The following AOAH variants were observed in gnomAD, a reference collection of about 807,000 sequenced individuals.
AOAH encodes the protein acyloxyacyl hydrolase, also known as acyloxyacyl hydrolase (neutrophil).
A neutral mutation model predicts 92.2 loss-of-function variants in AOAH; 64 were observed. That is an observed-to-expected ratio of 0.69 (90% CI 0.57 to 0.86). The LOEUF (loss-of-function observed/expected upper bound fraction) is 0.86, where lower values mean the gene tolerates loss of function less well. AOAH is among the 40% of genes least tolerant of loss of function. The probability of loss-of-function intolerance (pLI) is 0.00; values close to 1 mark genes in which losing one functional copy is unlikely to be tolerated. For synonymous variants in AOAH, 263 were observed against 254.5 expected, an observed-to-expected ratio of 1.03 and a Z score of -0.32; for missense variants, 656 against 694.6, an observed-to-expected ratio of 0.94 and a Z score of 0.62.
At chr7:36,713,308 G>A (rs1449593458) in intron 1 of AOAH, among the ~76,000 whole-genome samples, 1 of 96,996 alleles carries the variant, frequency 1.0e-5, no homozygotes, top group Non-Finnish European at 2.3e-5. Flanking sequence ...CCCAATACAG[G>A]AGCACCCAGA....
chr7:36,601,285 G>C (rs1470486789), intron 11 of AOAH, among the ~76,000 whole-genome samples: 1 of 152,198 alleles, frequency 6.6e-6, no homozygotes, highest in Non-Finnish European at 1.5e-5. Context: ...CCGTGTGTGA[G>C]ATGAGTCTCA....
intron 11 of AOAH, chr7:36,597,892 C>G (rs1790250114): frequency 1.3e-5 from 2 of 152,262 alleles, no homozygotes; most frequent in Non-Finnish European, 2.9e-5. Flanking sequence ...TCTACAAATA[C>G]AAAGAAGAAA....
chr7:36,582,612 A>G (rs1365607248), intron 12 of AOAH, among the ~76,000 whole-genome samples: 1 of 152,206 alleles, frequency 6.6e-6, no homozygotes, highest in Non-Finnish European at 1.5e-5. Flanking sequence ...AGAACAAAAC[A>G]GAGTAATATC....
chr7:36,610,544 C>T (rs1191198060), intron 11 of AOAH, among the ~76,000 whole-genome samples: 11 of 149,272 alleles, frequency 7.4e-5, no homozygotes, highest in Non-Finnish European at 7.4e-5. Flanking sequence ...TATTTCAAAA[C>T]AAGCCTGATA....
At chr7:36,529,607 T>G (rs1784579910) in intron 19 of AOAH, among the ~76,000 whole-genome samples, 1 of 152,334 alleles carries the variant, frequency 6.6e-6, no homozygotes, top group East Asian at 1.9e-4. Flanking sequence ...GGGACAGAGA[T>G]GATAAACTCT....
chr7:36,517,222 TTCTGTCTCTCTCTCTCTCTC>T (rs1783815636), intron 20 of AOAH, among the ~76,000 whole-genome samples: 3 of 67,258 alleles, frequency 4.5e-5, no homozygotes, highest in African/African-American at 7.9e-5. Context: ...TTCTCTTTCT[TTCTGTCTCTCTCTCTCTCTC>T]TCTTTCTTTC....
At chr7:36,586,219 G>T (rs900869616) in intron 12 of AOAH, among the ~76,000 whole-genome samples, 2 of 152,158 alleles carry the variant, frequency 1.3e-5, no homozygotes, top group African/African-American at 4.8e-5. Flanking sequence ...TTCCCTTGCT[G>T]CTATTGCCCC....
intron 20 of AOAH, among the ~76,000 whole-genome samples, chr7:36,517,674 C>T (rs1434062381): frequency 7.1e-6 from 1 of 140,560 alleles, no homozygotes; most frequent in East Asian, 2.2e-4. Flanking sequence ...GATCTCGGCT[C>T]ACTGTAACCT....
At chr7:36,710,527 C>T (rs772521373) in intron 1 of AOAH, among the ~76,000 whole-genome samples, 1 of 152,156 alleles carries the variant, frequency 6.6e-6, no homozygotes. Context: ...TTGACTTCAG[C>T]CTTGTAAAAC....
chr7:36,569,537 CAT>C (rs1447237861), intron 13 of AOAH, among the ~76,000 whole-genome samples: 14 of 151,126 alleles, frequency 9.3e-5, no homozygotes, highest in African/African-American at 2.9e-4. Context: ...ACCAGATTTA[CAT>C]ATATATATAT....
chr7:36,678,114 G>T (rs78426048), intron 2 of AOAH, among the ~76,000 whole-genome samples: 2,381 of 152,282 alleles, frequency 0.016, 55 homozygotes, highest in African/African-American at 0.054. Context: ...TATGTGAATT[G>T]TAGCTTAATA....
At chr7:36,648,512 T>C (rs532840648) in intron 4 of AOAH, among the ~76,000 whole-genome samples, 1 of 152,280 alleles carries the variant, frequency 6.6e-6, no homozygotes, top group East Asian at 1.9e-4. Context: ...CAGTATGCCA[T>C]TTGTCTTTTG....
chr7:36,663,876 CT>C (rs145189719), intron 3 of AOAH, among the ~76,000 whole-genome samples: 2,783 of 151,936 alleles, frequency 0.018, 72 homozygotes, highest in African/African-American at 0.064. Context: ...AGAAACTATA[CT>C]TTTTTTTCAG....
At chr7:36,630,019 C>T (rs1247392780) in intron 6 of AOAH, among the ~76,000 whole-genome samples, 1 of 152,086 alleles carries the variant, frequency 6.6e-6, no homozygotes, top group African/African-American at 2.4e-5. Context: ...TGACAGGCAC[C>T]CAGGGAAGAT....
At chr7:36,624,441 T>C (rs191057092) in intron 6 of AOAH, among the ~76,000 whole-genome samples, 2 of 152,332 alleles carry the variant, frequency 1.3e-5, no homozygotes, top group East Asian at 1.9e-4. Context: ...TTATGAACTC[T>C]GGGATGGGAC....
Position 36,579,526 on chromosome 7 carries a change from A to ATC in AOAH, c.939-2871_939-2870insGA, listed in dbSNP as rs1336974560. Among the ~76,000 whole-genome samples, 7 of 152,160 alleles carry ATC rather than the reference A, an allele frequency of 4.6e-5. No individual in the cohort carries two copies. The East Asian group carries it at 1.4e-3, about 29-fold the overall frequency. On this transcript the variant is annotated intron_variant, in intron 12 of 20. Transcript: ENST00000617537. ...ACTAATGGAATGAATATATATATATATGGGGGGGTTTTTAGTATTAACTCA... is the reference window on the plus strand; with the variant it reads ...ACTAATGGAATGAATATATATATATATCTGGGGGGGTTTTTAGTATTAACTCA...
At chr7:36,544,067 C>T (rs1785621519) in intron 15 of AOAH, among the ~76,000 whole-genome samples, 1 of 151,508 alleles carries the variant, frequency 6.6e-6, no homozygotes, top group Non-Finnish European at 1.5e-5. Context: ...CTGCCCCAGC[C>T]TCCCAAGTAG....
intron 19 of AOAH, among the ~76,000 whole-genome samples, chr7:36,524,516 AC>A (rs1334545868): frequency 0.013 from 1,798 of 137,904 alleles, 38 homozygotes; most frequent in African/African-American, 0.044. Context: ...AAAAAAAAAA[AC>A]AAAAAAAAAT....
At chr7:36,610,251 A>G (rs1040276419) in intron 11 of AOAH, among the ~76,000 whole-genome samples, 35 of 150,318 alleles carry the variant, frequency 2.3e-4, no homozygotes, top group African/African-American at 8.3e-4. Context: ...AAAGGTCATT[A>G]CAGAGCAGCA....
Sources: allele counts gnomAD v4.1 joint callset (sites outside exome capture counted in the v4.1 genomes callset), GRCh38; gene constraint gnomAD v4.1.1; transcripts MANE v1.5; gene names NCBI Gene and HGNC (gene_info 2026-07-23, HGNC 2026-07-21).